Variants in WBP4 observed in about 807,000 individuals in gnomAD.
The protein encoded by WBP4 is WW domain binding protein 4.
In WBP4, 37 loss-of-function variants were observed where a neutral mutation model predicts 55.4. The ratio of observed to expected loss-of-function variants is 0.67; its 90% CI spans 0.51 to 0.88. WBP4 has a LOEUF of 0.88. WBP4 is among the 40% of genes least tolerant of loss of function. The pLI is 0.00. For missense variants in WBP4, 398 were observed against 420.8 expected (o/e 0.95, Z 0.47); for synonymous variants, 142 against 140.2 (o/e 1.01, Z -0.09).
intron 8 of WBP4, among the ~76,000 whole-genome samples, chr13:41,076,534 G>T (rs1298393261): frequency 6.6e-6 from 1 of 151,964 alleles, no homozygotes; most frequent in Non-Finnish European, 1.5e-5. Flanking sequence ...ACTTGCCTCG[G>T]CGTCCCAAAG....
At chr13:41,071,728 A>G (rs537654030) in intron 6 of WBP4, among the ~76,000 whole-genome samples, 155 bp downstream of exon 6, 2 of 152,202 alleles carry the variant, frequency 1.3e-5, no homozygotes, top group African/African-American at 4.8e-5. Flanking sequence ...TGCTTTTGTT[A>G]GAAGGCTGGA....
In WBP4 at chr13:41,080,700, A is replaced by G; in HGVS notation, c.811A>G (p.Ser271Gly). ...GSDPETQKEK[S>G]IQKQNSLGSN... ...TGACCCAGAAACACAGAAAGAAAAAAGTATTCAGAAACAGAATTCATTAGG... is the reference window on the plus strand; with the variant it reads ...TGACCCAGAAACACAGAAAGAAAAAGGTATTCAGAAACAGAATTCATTAGG... The change falls in exon 9 of 10, where the codon AGT becomes GGT. Residue 271 changes from serine to glycine, a missense_variant. Ser to Gly is a moderately conservative substitution (Grantham distance 56, BLOSUM62 0). Transcript: ENST00000379487. The G allele has an allele frequency of 6.2e-7, 1 of 1,603,140 alleles. No individual in the cohort carries two copies. Among genetic ancestry groups the G allele is most frequent in the South Asian group, 1.1e-5 (1 of 87,780 alleles).
chr13:41,073,063 A>G (rs554173298), intron 7 of WBP4, among the ~76,000 whole-genome samples: 5 of 152,340 alleles, frequency 3.3e-5, no homozygotes, highest in Admixed American at 1.3e-4. Flanking sequence ...CTGTTCACCA[A>G]TGTTATTCTC....
chr13:41,069,705 CAAAAAAA>C (rs35819905), intron 5 of WBP4, among the ~76,000 whole-genome samples: 1 of 75,886 alleles, frequency 1.3e-5, no homozygotes, highest in African/African-American at 4.8e-5. Flanking sequence ...GACTCTGCCT[CAAAAAAA>C]AAAAAAAAAA....
At chr13:41,064,313 C>A (rs1195196041) in intron 2 of WBP4, among the ~76,000 whole-genome samples, 3 of 152,062 alleles carry the variant, frequency 2.0e-5, no homozygotes, top group Non-Finnish European at 4.4e-5. Flanking sequence ...GAGATGGATA[C>A]CGTATTGTTA....
rs1330876510 is a variant in WBP4, at chr13:41,068,549, T to A, written c.263-12T>A. ...TTACTATAGCTGCTTTACCCTTCTC[T>A]CATCTCTTTAGAAATTTTGGAGCCA... On this transcript the variant is annotated splice_polypyrimidine_tract_variant and intron_variant, in intron 4 of 9. Coordinates refer to ENST00000379487, the MANE Select transcript of WBP4 (RefSeq NM_007187.5). 17 of 1,582,610 alleles carry A rather than the reference T, an allele frequency of 1.1e-5. No homozygotes were observed. Among genetic ancestry groups the A allele is most frequent in the Non-Finnish European group, 1.3e-5 (15 of 1,168,012 alleles).
chr13:41,074,912 T>C (rs1352744232), intron 7 of WBP4, among the ~76,000 whole-genome samples: 1 of 152,156 alleles, frequency 6.6e-6, no homozygotes, highest in Non-Finnish European at 1.5e-5. Context: ...GGAGAATCGC[T>C]TGAACCGGGG....
rs58699334 is a variant in WBP4, at chr13:41,065,289, T to TAA, written c.262+22_262+23dup. The stretch of plus-strand genomic sequence containing the variant: ...TGAAAAGACTTGGCTTAGAGTCAGG[T>TAA]AAAAAAAAAAAAAAAAAAAAAGCAG... On this transcript the variant is annotated splice_region_variant and intron_variant, in intron 4 of 9. Transcript: ENST00000379487. 0.022 allele frequency: 26,843 copies of TAA among 1,202,544 alleles called. 31 individuals carry two copies. The highest frequency in any genetic ancestry group is 0.025 in the Non-Finnish European group (23,468 of 948,636). The allele number at this position is 1,202,544 out of a possible 1,614,324, so 74.5% of individuals were successfully genotyped here.
Position 41,068,744 on chromosome 13 carries a change from C to T in WBP4, c.439+7C>T. 6.4e-7 allele frequency: 1 copy of T among 1,559,528 alleles called. No individual in the cohort carries two copies. The highest frequency in any genetic ancestry group is 1.4e-5 in the African/African-American group (1 of 72,620). ...TATGATCTTATCTCAGGAGGTAAGTCATTTAGGCATAAAACTGGTAAAGAA... is the reference window on the plus strand; with the variant it reads ...TATGATCTTATCTCAGGAGGTAAGTTATTTAGGCATAAAACTGGTAAAGAA... On this transcript the variant is annotated splice_region_variant and intron_variant, in intron 5 of 9. Transcript: ENST00000379487.
intron 8 of WBP4, among the ~76,000 whole-genome samples, chr13:41,080,135 A>C (rs1241966048): frequency 1.3e-5 from 2 of 152,214 alleles, no homozygotes; most frequent in Non-Finnish European, 2.9e-5. Flanking sequence ...TTATAGGTAC[A>C]CTAAAAGCCC....
intron 1 of WBP4, among the ~76,000 whole-genome samples, chr13:41,061,946 A>G (rs1877671522): frequency 6.6e-6 from 1 of 151,438 alleles, no homozygotes. Context: ...CCGCGGGTGA[A>G]GCGACGCAGT....
chr13:41,072,581 C>T (rs1878295053), intron 6 of WBP4, among the ~76,000 whole-genome samples: 1 of 152,164 alleles, frequency 6.6e-6, no homozygotes, highest in African/African-American at 2.4e-5. Context: ...GAGAAACCAC[C>T]CCTGTGATGC....
In WBP4 at chr13:41,070,734, G is replaced by A. The variant is rs557180916; in HGVS notation, c.440-793G>A. 5.3e-5 allele frequency among the ~76,000 whole-genome samples: 8 copies of A among 152,128 alleles called. No individual in the cohort carries two copies. The South Asian group carries it at 1.2e-3, about 24-fold the overall frequency. Reference sequence around the variant, plus strand: ...GCAAGCAGAGAGAATAGAGCAAGAAGTAAAGAAGGTGAGTGTTACATATAT... The same window carrying A: ...GCAAGCAGAGAGAATAGAGCAAGAAATAAAGAAGGTGAGTGTTACATATAT... On this transcript the variant is annotated intron_variant, in intron 5 of 9. Transcript: ENST00000379487.
intron 5 of WBP4, 68 bp from the exon 6 acceptor site, chr13:41,071,459 C>A: frequency 7.2e-7 from 1 of 1,393,654 alleles, no homozygotes; most frequent in Non-Finnish European, 9.9e-7. Flanking sequence ...TAAATTTTGT[C>A]CAAATTTTTT....
chr13:41,062,158 G>C (rs1395191166), intron 1 of WBP4: 5 of 846,728 alleles, frequency 5.9e-6, no homozygotes, highest in Non-Finnish European at 6.9e-6. Context: ...GGCTTTTCCA[G>C]TTCTCTCTTG....
chr13:41,070,023 C>T (rs1878170377), intron 5 of WBP4, among the ~76,000 whole-genome samples: 2 of 151,784 alleles, frequency 1.3e-5, no homozygotes, highest in Non-Finnish European at 2.9e-5. Flanking sequence ...TACATTTATT[C>T]TACATTTATG....
intron 8 of WBP4, among the ~76,000 whole-genome samples, 180 bp downstream of exon 8, chr13:41,076,417 T>C (rs1447283359): frequency 6.6e-6 from 1 of 151,678 alleles, no homozygotes; most frequent in Non-Finnish European, 1.5e-5. Flanking sequence ...TAGCTGGGAC[T>C]ACAGGTGTGT....
intron 1 of WBP4, chr13:41,062,020 T>C (rs1186455101): frequency 3.1e-6 from 3 of 975,540 alleles, no homozygotes; most frequent in Admixed American, 1.3e-4. Context: ...CCCTGAACCC[T>C]AGGGTATTGT....
At chr13:41,082,024 G>T (rs866999205) in intron 9 of WBP4, among the ~76,000 whole-genome samples, 1 of 152,140 alleles carries the variant, frequency 6.6e-6, no homozygotes, top group East Asian at 1.9e-4. Flanking sequence ...AGGGAGTACG[G>T]TACTGTGATA....
Sources: gnomAD v4.1 joint callset for allele counts (sites outside exome capture counted in the v4.1 genomes callset) on GRCh38, gnomAD v4.1.1 for gene constraint, MANE v1.5 for transcripts, NCBI Gene and HGNC (gene_info 2026-07-23, HGNC 2026-07-21) for gene names.